The following ZNF516 variants were observed in gnomAD, a reference collection of about 807,000 sequenced individuals.
ZNF516 encodes the protein zinc finger protein 516.
Under a neutral mutation model 79.7 loss-of-function variants are expected in ZNF516, and 19 were observed. The observed-to-expected ratio is 0.24, with a 90% confidence interval of 0.17 to 0.35. The LOEUF (loss-of-function observed/expected upper bound fraction) is 0.35. Among genes scored for constraint, ZNF516 ranks in the 10% least tolerant of loss-of-function variants. ZNF516 has a pLI of 1.00. For synonymous variants in ZNF516, 877 were observed against 739.5 expected, an observed-to-expected ratio of 1.19 and a Z score of -3.02; for missense variants, 1,678 against 1,679.5, an observed-to-expected ratio of 1.00 and a Z score of 0.02.
At chr18:76,487,840 TAG>T in intron 1 of ZNF516, 3 of 721,240 alleles carry the variant, frequency 4.2e-6, no homozygotes, top group Non-Finnish European at 5.1e-6. Context: ...CTATGGCCCC[TAG>T]ATACATTCCC....
At chr18:76,478,019 G>A (rs866575258) in intron 1 of ZNF516, among the ~76,000 whole-genome samples, 1 of 152,114 alleles carries the variant, frequency 6.6e-6, no homozygotes, top group Non-Finnish European at 1.5e-5. Context: ...GAAGGGAAAA[G>A]GAGGTTATCT....
upstream of ZNF516, chr18:76,495,445 C>T (rs2145856508): frequency 6.6e-6 from 1 of 150,970 alleles, no homozygotes; most frequent in African/African-American, 2.4e-5. Flanking sequence ...AGGCCGGAGG[C>T]TTCCCCCAGC....
intron 1 of ZNF516, 95 bp downstream of exon 1, chr18:76,495,049 A>G (rs1323093865): frequency 2.3e-5 from 3 of 133,080 alleles, no homozygotes; most frequent in Non-Finnish European, 3.2e-5. Flanking sequence ...AGCGGCGCAC[A>G]CCAGAGTACG....
At chr18:76,448,031 TA>T (rs1230807292) in intron 2 of ZNF516, among the ~76,000 whole-genome samples, 1 of 152,166 alleles carries the variant, frequency 6.6e-6, no homozygotes, top group Non-Finnish European at 1.5e-5. Context: ...TCACATTTAT[TA>T]AAAAACAGGA....
intron 2 of ZNF516, among the ~76,000 whole-genome samples, chr18:76,444,683 G>A (rs1158641982): frequency 1.3e-5 from 2 of 152,194 alleles, no homozygotes; most frequent in African/African-American, 2.4e-5. Flanking sequence ...ATAGACCTGA[G>A]GGGGTGAAGG....
intron 5 of ZNF516, 139 bp downstream of exon 5, chr18:76,371,328 G>C (rs2074699816): frequency 2.5e-6 from 2 of 799,948 alleles, no homozygotes; most frequent in Admixed American, 5.1e-5. Flanking sequence ...TACGATCCCG[G>C]AGGCAGATGG....
intron 1 of ZNF516, among the ~76,000 whole-genome samples, chr18:76,487,498 A>G (rs945911473): frequency 6.6e-6 from 1 of 152,244 alleles, no homozygotes; most frequent in Non-Finnish European, 1.5e-5. Context: ...TAAAATAAAG[A>G]TACTTTTTAA....
chr18:76,416,097 C>T (rs959574772), intron 3 of ZNF516, among the ~76,000 whole-genome samples: 1 of 152,212 alleles, frequency 6.6e-6, no homozygotes, highest in Non-Finnish European at 1.5e-5. Flanking sequence ...ACTTGTAGCA[C>T]ACAGAATCAC....
At chr18:76,453,271 T>C (rs753895729) in intron 2 of ZNF516, among the ~76,000 whole-genome samples, 6 of 152,180 alleles carry the variant, frequency 3.9e-5, no homozygotes, top group Non-Finnish European at 7.3e-5. Context: ...GCTAGTATAG[T>C]TAATGATCTT....
intron 2 of ZNF516, among the ~76,000 whole-genome samples, chr18:76,448,094 C>T (rs1365794119): frequency 6.6e-5 from 10 of 151,882 alleles, no homozygotes; most frequent in South Asian, 2.1e-4. Flanking sequence ...TACATTGTAA[C>T]GGAGAAGGGG....
At chr18:76,460,911 G>A (rs1244439968) in intron 2 of ZNF516, among the ~76,000 whole-genome samples, 1 of 152,130 alleles carries the variant, frequency 6.6e-6, no homozygotes, top group African/African-American at 2.4e-5. Context: ...TGCCCGCCAC[G>A]GTGGCTCACG....
At chr18:76,458,072 G>A (rs1287555835) in intron 2 of ZNF516, among the ~76,000 whole-genome samples, 1 of 152,192 alleles carries the variant, frequency 6.6e-6, no homozygotes, top group African/African-American at 2.4e-5. Context: ...TACGCAGAGG[G>A]CCATTTTTCT....
At chr18:76,391,496 C>T (rs1316967765) in intron 3 of ZNF516, among the ~76,000 whole-genome samples, 1 of 152,114 alleles carries the variant, frequency 6.6e-6, no homozygotes, top group Non-Finnish European at 1.5e-5. Context: ...ACCCCTACAC[C>T]TAACCCAACT....
intron 1 of ZNF516, among the ~76,000 whole-genome samples, chr18:76,473,414 CGTA>C (rs1913970558): frequency 7.0e-6 from 1 of 142,102 alleles, no homozygotes; most frequent in African/African-American, 2.6e-5. Context: ...AAGCTGGACA[CGTA>C]GAGAAAAATA....
intron 3 of ZNF516, among the ~76,000 whole-genome samples, chr18:76,439,046 T>C (rs2075780548): frequency 6.6e-6 from 1 of 152,196 alleles, no homozygotes; most frequent in Admixed American, 6.5e-5. Flanking sequence ...TTTCCCAAAG[T>C]TGCGTGTATT....
chr18:76,473,903 T>TGTGTGTTGG (rs58634236), intron 1 of ZNF516, among the ~76,000 whole-genome samples: 1 of 54,170 alleles, frequency 1.8e-5, no homozygotes, highest in Non-Finnish European at 3.2e-5. Flanking sequence ...TGTTTTTGTG[T>TGTGTGTTGG]GGGGGGGGGG....
At chr18:76,384,926 ACCGCAGTG>A (rs1339211574) in intron 3 of ZNF516, among the ~76,000 whole-genome samples, 2 of 152,196 alleles carry the variant, frequency 1.3e-5, no homozygotes, top group Non-Finnish European at 2.9e-5. Flanking sequence ...TCTAACCCTG[ACCGCAGTG>A]CCGAGGGCAC....
chr18:76,410,144 G>T (rs936719993), intron 3 of ZNF516, among the ~76,000 whole-genome samples: 1 of 152,184 alleles, frequency 6.6e-6, no homozygotes, highest in Non-Finnish European at 1.5e-5. Flanking sequence ...TCTTGGGTAT[G>T]TCTTTGTTAG....
chr18:76,416,541 A>G (rs2075435432), intron 3 of ZNF516, among the ~76,000 whole-genome samples: 1 of 152,216 alleles, frequency 6.6e-6, no homozygotes, highest in Admixed American at 6.5e-5. Context: ...CCAAGCACAA[A>G]TATTAGTTCA....
Sources: gnomAD v4.1 joint callset for allele counts (sites outside exome capture counted in the v4.1 genomes callset) on GRCh38, gnomAD v4.1.1 for gene constraint, MANE v1.5 for transcripts, NCBI Gene and HGNC (gene_info 2026-07-23, HGNC 2026-07-21) for gene names.